Variants in KLRG1 observed in about 807,000 individuals in gnomAD.
The protein encoded by KLRG1 is killer cell lectin like receptor G1.
In KLRG1, 16 loss-of-function variants were observed where a neutral mutation model predicts 21.8. The ratio of observed to expected loss-of-function variants is 0.73; its 90% CI spans 0.50 to 1.11. The LOEUF (loss-of-function observed/expected upper bound fraction) is 1.11. KLRG1 is among the 50% of genes most tolerant of loss of function. The pLI is 0.00. For synonymous variants in KLRG1, 69 were observed against 75.9 expected, an observed-to-expected ratio of 0.91 and a Z score of 0.47; for missense variants, 173 against 218.3, an observed-to-expected ratio of 0.79 and a Z score of 1.31.
the KLRG1 span, among the ~76,000 whole-genome samples, chr12:9,033,040 C>T: frequency 1.3e-5 from 2 of 152,064 alleles, no homozygotes; most frequent in Admixed American, 1.3e-4. Flanking sequence ...ACTGCTATGC[C>T]GTAGTCTCAG....
the KLRG1 span, among the ~76,000 whole-genome samples, chr12:9,198,045 C>CAT: frequency 9.9e-5 from 14 of 142,020 alleles, no homozygotes; most frequent in African/African-American, 1.8e-4. Context: ...TATATGCAAA[C>CAT]ATATATATAT....
the KLRG1 span, chr12:9,162,731 T>C: frequency 8.9e-7 from 1 of 1,119,434 alleles, no homozygotes; most frequent in Non-Finnish European, 1.3e-6. Flanking sequence ...CTTTGATGGG[T>C]AGGGTTTACA....
chr12:8,961,476 G>A (rs1015878911), intron 1 of KLRG1, among the ~76,000 whole-genome samples: 5 of 152,062 alleles, frequency 3.3e-5, no homozygotes, highest in East Asian at 3.8e-4. Context: ...GCAATGGTGC[G>A]ATCTCAGCTC....
At chr12:9,071,405 A>C in the KLRG1 span, among the ~76,000 whole-genome samples, 1 of 152,074 alleles carries the variant, frequency 6.6e-6, no homozygotes, top group Non-Finnish European at 1.5e-5. Context: ...TTTTTGGCAT[A>C]TATATACACC....
At chr12:9,101,608 G>A in the KLRG1 span, 83 of 1,613,984 alleles carry the variant, frequency 5.1e-5, no homozygotes, top group Admixed American at 5.7e-4. Flanking sequence ...GCAGTGTGAT[G>A]TGCCTCTTCG....
chr12:9,195,506 CCATTATAACTCACAGCAG>C, the KLRG1 span, among the ~76,000 whole-genome samples: 1 of 151,630 alleles, frequency 6.6e-6, no homozygotes, highest in East Asian at 1.9e-4. Context: ...TGCAGTGGTG[CCATTATAACTCACAGCAG>C]CATCGAAGTT....
the KLRG1 span, chr12:9,152,743 G>T: frequency 7.1e-7 from 1 of 1,411,868 alleles, no homozygotes; most frequent in Non-Finnish European, 9.7e-7. Context: ...TAATAACATA[G>T]CTTCCAAATG....
At chr12:9,196,446 A>T in the KLRG1 span, 1 of 1,601,230 alleles carries the variant, frequency 6.2e-7, no homozygotes, top group Non-Finnish European at 8.6e-7. Context: ...AGGTCTGAAA[A>T]ATATAAAGAG....
chr12:9,109,683 G>A, the KLRG1 span, among the ~76,000 whole-genome samples: 1 of 152,114 alleles, frequency 6.6e-6, no homozygotes, highest in Non-Finnish European at 1.5e-5. Flanking sequence ...AGAAAATAAC[G>A]AAGCTATGTG....
At chr12:9,150,401 G>C in the KLRG1 span, among the ~76,000 whole-genome samples, 1 of 152,132 alleles carries the variant, frequency 6.6e-6, no homozygotes, top group South Asian at 2.1e-4. Flanking sequence ...TCCTGCCTCA[G>C]CCTCCATAGT....
the KLRG1 span, among the ~76,000 whole-genome samples, chr12:9,061,211 G>T: frequency 3.3e-5 from 5 of 152,192 alleles, no homozygotes; most frequent in African/African-American, 1.2e-4. Flanking sequence ...AATCTCCTGA[G>T]TAGCTGCCAG....
the KLRG1 span, among the ~76,000 whole-genome samples, chr12:9,087,045 C>T: frequency 5.3e-5 from 8 of 151,784 alleles, no homozygotes; most frequent in Non-Finnish European, 1.2e-4. Flanking sequence ...TAGCTATAAA[C>T]AATATGTAGA....
At chr12:9,095,211 G>T in the KLRG1 span, 1 of 539,460 alleles carries the variant, frequency 1.9e-6, no homozygotes, top group Non-Finnish European at 3.2e-6. Context: ...ATTCACATCT[G>T]TAGAAGGGAT....
the KLRG1 span, among the ~76,000 whole-genome samples, chr12:9,085,528 C>T: frequency 6.6e-6 from 1 of 151,920 alleles, no homozygotes; most frequent in East Asian, 1.9e-4. Flanking sequence ...AAGAGGAAAG[C>T]TTATAACAAT....
At chr12:9,047,753 C>T in the KLRG1 span, among the ~76,000 whole-genome samples, 1 of 152,052 alleles carries the variant, frequency 6.6e-6, no homozygotes, top group Admixed American at 6.6e-5. Flanking sequence ...GCTGAAGTAG[C>T]TATATTAATT....
chr12:9,069,606 C>T, the KLRG1 span: 3 of 562,256 alleles, frequency 5.3e-6, no homozygotes, highest in Non-Finnish European at 9.2e-6. Context: ...GAGAGAAGAA[C>T]ATTCTTTTAG....
chr12:9,038,901 C>CT, the KLRG1 span, among the ~76,000 whole-genome samples: 1 of 60,868 alleles, frequency 1.6e-5, no homozygotes, highest in Non-Finnish European at 3.3e-5. Flanking sequence ...GAGACTCTGT[C>CT]TCAAAAAAAA....
the KLRG1 span, chr12:9,197,086 C>T: frequency 6.8e-6 from 11 of 1,613,450 alleles, no homozygotes; most frequent in Admixed American, 3.3e-5. Flanking sequence ...CACAGGCTCA[C>T]AGTTGCAAGT....
At chr12:9,110,423 A>C in the KLRG1 span, 16 of 745,282 alleles carry the variant, frequency 2.1e-5, no homozygotes, top group Admixed American at 3.2e-5. Flanking sequence ...ATTTGCTAGC[A>C]TAACAGGGTG....
Sources: allele counts gnomAD v4.1 joint callset (sites outside exome capture counted in the v4.1 genomes callset), GRCh38; gene constraint gnomAD v4.1.1; transcripts MANE v1.5; gene names NCBI Gene and HGNC (gene_info 2026-07-23, HGNC 2026-07-21).